TRERF1: variants seen among roughly 807,000 people sequenced by gnomAD.
TRERF1 encodes the protein transcriptional-regulating factor 1.
Under a neutral mutation model 122.9 loss-of-function variants are expected in TRERF1, and 27 were observed. The ratio of observed to expected loss-of-function variants is 0.22; its 90% CI spans 0.16 to 0.30. The LOEUF is 0.30. Among genes scored for constraint, TRERF1 ranks in the 10% least tolerant of loss-of-function variants. TRERF1 has a pLI of 1.00. For synonymous variants in TRERF1, 636 were observed against 641.7 expected, an observed-to-expected ratio of 0.99 and a Z score of 0.13; for missense variants, 1,248 against 1,560.3, an observed-to-expected ratio of 0.80 and a Z score of 3.37.
intron 2 of TRERF1, among the ~76,000 whole-genome samples, chr6:42,392,410 A>G (rs1383147952): frequency 6.6e-6 from 1 of 152,216 alleles, no homozygotes; most frequent in Non-Finnish European, 1.5e-5. Flanking sequence ...CGTACCTGGG[A>G]CACAGCAAAC....
At chr6:42,336,362 C>A (rs1490524442) in intron 3 of TRERF1, among the ~76,000 whole-genome samples, 1 of 152,084 alleles carries the variant, frequency 6.6e-6, no homozygotes, top group Non-Finnish European at 1.5e-5. Context: ...ATGCCTCATC[C>A]CCTGGGTCTT....
intron 2 of TRERF1, among the ~76,000 whole-genome samples, chr6:42,408,717 T>G (rs1780677593): frequency 1.3e-5 from 2 of 152,108 alleles, no homozygotes; most frequent in Admixed American, 6.5e-5. Context: ...CTTATAGATT[T>G]TATTCCTTTA....
At chr6:42,333,034 C>T (rs1001439098) in intron 3 of TRERF1, among the ~76,000 whole-genome samples, 4 of 152,156 alleles carry the variant, frequency 2.6e-5, no homozygotes, top group Non-Finnish European at 5.9e-5. Context: ...GAAGAGCCTA[C>T]TAAGTGATGG....
rs2149987388 is a variant in TRERF1, at chr6:42,276,129, C to T, written c.-258-6281G>A. ...CCCCTGTTCTAGAGCATCAAAGTCT[C>T]TCCACACCCCACCCCCTGGCCTGGG... On this transcript the variant is annotated intron_variant, in intron 4 of 17. Coordinates refer to ENST00000372922, the Ensembl canonical transcript of TRERF1. This position sits in a 1 kb window ranked among gnomAD's most constrained non-coding sequence, Gnocchi z 4.3. Among the ~76,000 whole-genome samples the T allele has an allele frequency of 6.6e-6, 1 of 152,300 alleles. No individual in the cohort carries two copies. Among genetic ancestry groups the T allele is most frequent in the Middle Eastern group, 3.4e-3 (1 of 294 alleles).
At chr6:42,261,765 C>T (rs890022078) in intron 8 of TRERF1, among the ~76,000 whole-genome samples, 1 of 152,136 alleles carries the variant, frequency 6.6e-6, no homozygotes, top group African/African-American at 2.4e-5. Flanking sequence ...TTCAGCCTAC[C>T]GCCCCCACCA....
chr6:42,277,915 GAAGAAGAA>G (rs1781515181), intron 4 of TRERF1, among the ~76,000 whole-genome samples: 3 of 96,622 alleles, frequency 3.1e-5, no homozygotes, highest in African/African-American at 8.8e-5. Context: ...GGAAGAAGAA[GAAGAAGAA>G]GAAGAAGAAG....
Position 42,243,406 on chromosome 6 carries a change from G to C in TRERF1, c.2746-45C>G. On this transcript the variant is annotated intron_variant, in intron 14 of 17. Transcript: ENST00000372922. The stretch of plus-strand genomic sequence containing the variant: ...AAGGTTAGCTCCAGCAATGGGCAGA[G>C]AGCAAAGGTAGCAAGCATTTTTGAA... 5 of 1,329,964 alleles carry C rather than the reference G, an allele frequency of 3.8e-6. No homozygotes were observed. The South Asian group carries it at 4.7e-5, about 13-fold the overall frequency. 82.4% of individuals were successfully genotyped at this position (1,329,964 alleles called of 1,614,324 possible).
intron 13 of TRERF1, among the ~76,000 whole-genome samples, chr6:42,248,755 C>T (rs916915257): frequency 2.0e-5 from 3 of 152,094 alleles, no homozygotes; most frequent in Admixed American, 1.3e-4. Flanking sequence ...CAGCTCTGAC[C>T]GTGCAGACCA....
At chr6:42,255,725 T>G (rs1275530686) in intron 12 of TRERF1, among the ~76,000 whole-genome samples, 1 of 152,216 alleles carries the variant, frequency 6.6e-6, no homozygotes, top group Non-Finnish European at 1.5e-5. Flanking sequence ...ATCATAGTAT[T>G]GGGACATTTA....
chr6:42,370,567 C>G (rs1773585806), intron 2 of TRERF1, among the ~76,000 whole-genome samples: 1 of 152,196 alleles, frequency 6.6e-6, no homozygotes, highest in Admixed American at 6.5e-5. Flanking sequence ...AAGGCATTAT[C>G]TGATGTCCGA....
At chr6:42,267,171 C>A (rs57311490) in intron 5 of TRERF1, among the ~76,000 whole-genome samples, 5,986 of 151,508 alleles carry the variant, frequency 0.04, 396 homozygotes, top group African/African-American at 0.14. Flanking sequence ...AAAACAAAAC[C>A]AAACCAAAGA....
chr6:42,450,334 T>G (rs1049279782), intron 2 of TRERF1, among the ~76,000 whole-genome samples: 13 of 152,214 alleles, frequency 8.5e-5, no homozygotes, highest in African/African-American at 3.1e-4. Context: ...CAGGAGATAT[T>G]TTTTAATGAA....
intron 2 of TRERF1, among the ~76,000 whole-genome samples, chr6:42,363,389 G>A (rs1171683878): frequency 2.6e-5 from 4 of 152,174 alleles, no homozygotes; most frequent in Admixed American, 1.3e-4. Flanking sequence ...CAGCTTCAAC[G>A]TAAAGTAATA....
intron 3 of TRERF1, among the ~76,000 whole-genome samples, chr6:42,309,094 G>A (rs1331673623): frequency 6.6e-6 from 1 of 152,120 alleles, no homozygotes; most frequent in Non-Finnish European, 1.5e-5. Flanking sequence ...TGGGCCCAGG[G>A]ACCTATTTTT....
intron 3 of TRERF1, among the ~76,000 whole-genome samples, chr6:42,336,056 T>C (rs1169640860): frequency 6.6e-6 from 1 of 152,192 alleles, no homozygotes; most frequent in African/African-American, 2.4e-5. Context: ...TATTTCACTG[T>C]AGTGAGTTTA....
chr6:42,307,064 G>A (rs1370459221), intron 3 of TRERF1, among the ~76,000 whole-genome samples: 2 of 152,180 alleles, frequency 1.3e-5, no homozygotes, highest in Non-Finnish European at 2.9e-5. Context: ...GGCTGAGACC[G>A]CCGACTTGAA....
chr6:42,232,539 A>AT lies in TRERF1; in HGVS notation c.3278+141dup. On this transcript the variant is annotated intron_variant, in intron 17 of 17. Coordinates refer to ENST00000372922, the Ensembl canonical transcript of TRERF1. This position sits in a 1 kb window ranked among gnomAD's most constrained non-coding sequence, Gnocchi z 4.5. Reference sequence around the variant, plus strand: ...GAGTCTGCAACAGGACTACATACCCATCCCAAAGATGACACGAAGAAGAGT... The same window carrying AT: ...GAGTCTGCAACAGGACTACATACCCATTCCCAAAGATGACACGAAGAAGAGT... The AT allele has an allele frequency of 9.2e-7, 1 of 1,090,784 alleles. No homozygotes were observed. The highest frequency in any genetic ancestry group is 1.3e-6 in the Non-Finnish European group (1 of 783,208). 67.6% of individuals were successfully genotyped at this position (1,090,784 alleles called of 1,614,324 possible). A position where few individuals can be genotyped will look rare whatever the true frequency, so the allele number is the denominator to read the frequency against.
chr6:42,290,131 G>A (rs1044057446), intron 4 of TRERF1, among the ~76,000 whole-genome samples: 3 of 152,184 alleles, frequency 2.0e-5, no homozygotes, highest in African/African-American at 7.2e-5. Flanking sequence ...CCAGCACGCC[G>A]GTGAACATGG....
rs1249278652 is a variant in TRERF1 at position 42,393,451 on chromosome 6, G to A, written c.-453-30372C>T. On this transcript the variant is annotated intron_variant, in intron 2 of 17. Transcript: ENST00000372922. The surrounding 1 kb of genome is among the most constrained non-coding windows in gnomAD (Gnocchi z 4.1). ...AGAAGTGGTTGAAGGACGATGAGAA[G>A]TAAGTAAAGGTCAGAACAGAGATTC... 1.3e-5 allele frequency among the ~76,000 whole-genome samples: 2 copies of A among 152,230 alleles called. No homozygotes were observed. Among genetic ancestry groups the A allele is most frequent in the Non-Finnish European group, 2.9e-5 (2 of 68,044 alleles).
Sources: gnomAD v4.1 joint callset for allele counts (sites outside exome capture counted in the v4.1 genomes callset) on GRCh38, gnomAD v4.1.1 for gene constraint, Gnocchi (gnomAD v3.1) non-coding constraint, MANE v1.5 for transcripts, NCBI Gene and HGNC (gene_info 2026-07-23, HGNC 2026-07-21) for gene names.